Variants in RERG observed in about 807,000 individuals in gnomAD.
RERG encodes ras-related and estrogen-regulated growth inhibitor.
Under a neutral mutation model 23.2 loss-of-function variants are expected in RERG, and 25 were observed. That is an observed-to-expected ratio of 1.08 (90% CI 0.79 to 1.50). RERG has a LOEUF of 1.50. RERG is among the 40% of genes most tolerant of loss of function. RERG has a pLI of 0.00. For synonymous variants in RERG, 81 were observed against 89.1 expected, an observed-to-expected ratio of 0.91 and a Z score of 0.51; for missense variants, 253 against 250.1, an observed-to-expected ratio of 1.01 and a Z score of -0.08.
At chr12:15,175,795 A>G (rs1039320220) in intron 2 of RERG, among the ~76,000 whole-genome samples, 1 of 152,150 alleles carries the variant, frequency 6.6e-6, no homozygotes, top group African/African-American at 2.4e-5. Context: ...TCAAACAGTG[A>G]CAGTGCTCTG....
At chr12:15,163,141 C>T (rs1864637865) in intron 2 of RERG, among the ~76,000 whole-genome samples, 1 of 152,088 alleles carries the variant, frequency 6.6e-6, no homozygotes, top group South Asian at 2.1e-4. Context: ...TGCAGTGAGT[C>T]AACAATGCCA....
chr12:15,109,910 A>G (rs188887068), intron 4 of RERG, among the ~76,000 whole-genome samples: 1 of 152,154 alleles, frequency 6.6e-6, no homozygotes, highest in African/African-American at 2.4e-5. Flanking sequence ...CCACCTTTTA[A>G]GTATCAGAAT....
chr12:15,126,686 A>G (rs1363354787), intron 2 of RERG, among the ~76,000 whole-genome samples: 1 of 151,838 alleles, frequency 6.6e-6, no homozygotes, highest in East Asian at 1.9e-4. Context: ...AAAATGTACT[A>G]ACTCATATCC....
chr12:15,148,847 G>C (rs1442349647), intron 2 of RERG, among the ~76,000 whole-genome samples: 1 of 45,530 alleles, frequency 2.2e-5, no homozygotes, highest in Non-Finnish European at 4.9e-5. Context: ...CTTTAACTCT[G>C]TTTTTTTTTT....
intron 3 of RERG, among the ~76,000 whole-genome samples, chr12:15,112,642 G>A (rs767049895): frequency 1.3e-5 from 2 of 152,198 alleles, no homozygotes; most frequent in Non-Finnish European, 2.9e-5. Flanking sequence ...TGATTGACCT[G>A]ATGAGAGTTA....
chr12:15,146,593 T>C (rs117000008), intron 2 of RERG, among the ~76,000 whole-genome samples: 36 of 152,342 alleles, frequency 2.4e-4, no homozygotes, highest in Non-Finnish European at 4.4e-4. Context: ...TGCTGCCCTA[T>C]TGGAAATCAA....
chr12:15,211,262 T>C (rs1337033843), intron 2 of RERG, among the ~76,000 whole-genome samples: 2 of 150,100 alleles, frequency 1.3e-5, no homozygotes, highest in Non-Finnish European at 3.0e-5. Context: ...AATGGATAAA[T>C]GGATTTTAGA....
intron 2 of RERG, among the ~76,000 whole-genome samples, chr12:15,175,688 C>A (rs1864841275): frequency 6.6e-6 from 1 of 152,036 alleles, no homozygotes; most frequent in Non-Finnish European, 1.5e-5. Context: ...TTGAAAAATT[C>A]CCTGGGGATA....
chr12:15,138,758 G>A (rs1347531590), intron 2 of RERG, among the ~76,000 whole-genome samples: 1 of 151,746 alleles, frequency 6.6e-6, no homozygotes, highest in Non-Finnish European at 1.5e-5. Context: ...TAACTCTGTG[G>A]CTCATCTTTT....
At chr12:15,113,489 A>G (rs144248557) in intron 3 of RERG, among the ~76,000 whole-genome samples, 4 of 152,196 alleles carry the variant, frequency 2.6e-5, no homozygotes, top group African/African-American at 9.6e-5. Flanking sequence ...AATAATACGA[A>G]GTTTATAAGC....
intron 2 of RERG, among the ~76,000 whole-genome samples, chr12:15,188,671 T>G (rs1865026479): frequency 6.6e-6 from 1 of 152,238 alleles, no homozygotes; most frequent in Non-Finnish European, 1.5e-5. Context: ...GGACATGATG[T>G]GTGCTTATAC....
intron 2 of RERG, among the ~76,000 whole-genome samples, chr12:15,172,477 A>G (rs925227970): frequency 2.0e-5 from 3 of 151,978 alleles, no homozygotes; most frequent in Non-Finnish European, 2.9e-5. Context: ...TTTTCTTTCT[A>G]TTGGATATGT....
At chr12:15,112,171 A>T (rs1300117239) in intron 3 of RERG, among the ~76,000 whole-genome samples, 1 of 152,220 alleles carries the variant, frequency 6.6e-6, no homozygotes, top group Non-Finnish European at 1.5e-5. Flanking sequence ...AACAGAAGCT[A>T]CTAATTTCCT....
At chr12:15,182,958 T>C (rs1864943828) in intron 2 of RERG, among the ~76,000 whole-genome samples, 1 of 152,040 alleles carries the variant, frequency 6.6e-6, no homozygotes, top group Non-Finnish European at 1.5e-5. Context: ...GTGCCTGTGA[T>C]TGGTCCCAGC....
rs548967569 is a variant in RERG at position 15,161,986 on chromosome 12, C to T, written c.62-40867G>A. On this transcript the variant is annotated intron_variant, in intron 2 of 4. Transcript: ENST00000256953. The stretch of plus-strand genomic sequence containing the variant: ...GCAAAATTTAAACCCAGTATCCTTA[C>T]CTGGTAAGGAGATTCGAGAGCATTG... Among the ~76,000 whole-genome samples the T allele has an allele frequency of 1.7e-3, 256 of 152,270 alleles. 1 individual carries two copies. The highest frequency in any genetic ancestry group is 5.6e-3 in the African/African-American group (233 of 41,538).
rs772620242 is a variant in RERG, at chr12:15,111,435, T to A, written c.119-18A>T. ...GGTTGATTCTAAGGGAATGAGCAAA[T>A]AAAAAAGACAAAAAGATAAATAAAT... is the stretch of plus-strand genomic sequence containing the variant. On this transcript the variant is annotated intron_variant, in intron 3 of 4. Transcript: ENST00000256953. 1 of 1,579,234 alleles carries A rather than the reference T, an allele frequency of 6.3e-7. No individual in the cohort carries two copies.
chr12:15,166,493 ATGATGATGGGGATGGTGG>A (rs1254480921), intron 2 of RERG, among the ~76,000 whole-genome samples: 2 of 145,336 alleles, frequency 1.4e-5, no homozygotes, highest in Admixed American at 7.2e-5. Flanking sequence ...GATGATGATG[ATGATGATGGGGATGGTGG>A]TGATGGTGGT....
chr12:15,109,650 T>A, intron 4 of RERG, 133 bp from the exon 5 acceptor site: 1 of 644,036 alleles, frequency 1.6e-6, no homozygotes, highest in Non-Finnish European at 2.6e-6. Flanking sequence ...GGTACTCTAA[T>A]TGTACAAACT....
intron 2 of RERG, among the ~76,000 whole-genome samples, chr12:15,196,833 T>C (rs1865151485): frequency 6.6e-6 from 1 of 152,126 alleles, no homozygotes; most frequent in Non-Finnish European, 1.5e-5. Context: ...ACAAATGTTG[T>C]GCAATCCTTC....
Sources: allele counts gnomAD v4.1 joint callset (sites outside exome capture counted in the v4.1 genomes callset), GRCh38; gene constraint gnomAD v4.1.1; transcripts MANE v1.5; gene names NCBI Gene and HGNC (gene_info 2026-07-23, HGNC 2026-07-21).